The following ARID5B variants were observed in gnomAD, a reference collection of about 807,000 sequenced individuals.
The protein encoded by ARID5B is AT-rich interactive domain-containing protein 5B.
In ARID5B, 13 loss-of-function variants were observed where a neutral mutation model predicts 97.2. The ratio of observed to expected loss-of-function variants is 0.13; its 90% CI spans 0.09 to 0.21. The LOEUF (loss-of-function observed/expected upper bound fraction) is 0.21. Among genes scored for constraint, ARID5B ranks in the 10% least tolerant of loss-of-function variants. The pLI is 1.00. For synonymous variants in ARID5B, 556 were observed against 570.3 expected, an observed-to-expected ratio of 0.97 and a Z score of 0.36; for missense variants, 1,210 against 1,465.3, an observed-to-expected ratio of 0.83 and a Z score of 2.84.
At chr10:62,012,033 TTA>T (rs1030287462) in intron 4 of ARID5B, among the ~76,000 whole-genome samples, 2 of 152,308 alleles carry the variant, frequency 1.3e-5, no homozygotes, top group African/African-American at 4.8e-5. Context: ...TAAAAACAGC[TTA>T]TATGTTTTTC....
At chr10:61,998,942 A>G (rs1202288740) in intron 3 of ARID5B, among the ~76,000 whole-genome samples, 2 of 152,196 alleles carry the variant, frequency 1.3e-5, no homozygotes, top group Non-Finnish European at 2.9e-5. Context: ...GTTCTGCTTC[A>G]TGTTAATTTT....
At chr10:62,058,460 A>G (rs1333403755) in intron 6 of ARID5B, among the ~76,000 whole-genome samples, 1 of 152,234 alleles carries the variant, frequency 6.6e-6, no homozygotes, top group Non-Finnish European at 1.5e-5. Flanking sequence ...AATCAAATCC[A>G]TAGCAGTCCC....
intron 2 of ARID5B, among the ~76,000 whole-genome samples, chr10:61,937,160 T>A (rs773874769): frequency 2.0e-5 from 3 of 152,252 alleles, no homozygotes; most frequent in Non-Finnish European, 4.4e-5. Context: ...AAAACTGGAC[T>A]GAATACAATG....
chr10:61,994,186 G>A (rs1838965762), intron 3 of ARID5B, among the ~76,000 whole-genome samples: 2 of 152,144 alleles, frequency 1.3e-5, no homozygotes, highest in South Asian at 4.1e-4. Flanking sequence ...GTAATTAGGT[G>A]CAGGAAGGAA....
intron 2 of ARID5B, among the ~76,000 whole-genome samples, chr10:61,927,884 C>G (rs533903774): frequency 2.0e-5 from 3 of 152,286 alleles, no homozygotes; most frequent in Admixed American, 1.3e-4. Context: ...TGGAGTCCCT[C>G]CATATCAGGG....
chr10:62,030,685 A>G (rs1461895003), intron 4 of ARID5B, among the ~76,000 whole-genome samples: 1 of 152,188 alleles, frequency 6.6e-6, no homozygotes, highest in East Asian at 1.9e-4. Context: ...GGAGGGAAAT[A>G]TTTTAAGTGT....
chr10:61,919,784 G>A (rs1469222114), intron 2 of ARID5B, among the ~76,000 whole-genome samples: 5 of 152,142 alleles, frequency 3.3e-5, no homozygotes, highest in African/African-American at 1.2e-4. Flanking sequence ...TGCATTGGTT[G>A]TAAAATATGC....
chr10:61,981,377 G>A (rs1838774872), intron 3 of ARID5B, among the ~76,000 whole-genome samples: 1 of 152,120 alleles, frequency 6.6e-6, no homozygotes, highest in Non-Finnish European at 1.5e-5. Context: ...TGCCTCCCGG[G>A]TTCAAGCGAT....
At position 62,000,463 on chromosome 10, in the gene ARID5B, T is replaced by C; in HGVS notation, c.733+142T>C. ...GCCCCACCCCTCCCATCCCCCAAAT[T>C]ATTGCGGCATAAGGCGTCATTGCCT... On this transcript the variant is annotated intron_variant, in intron 4 of 9. Transcript: ENST00000279873. This position sits in a 1 kb window ranked among gnomAD's most constrained non-coding sequence, Gnocchi z 4.4. 1.4e-6 allele frequency: 1 copy of C among 707,430 alleles called. No individual in the cohort carries two copies. Among genetic ancestry groups the C allele is most frequent in the South Asian group, 1.9e-5 (1 of 51,646 alleles). 43.8% of individuals were successfully genotyped at this position (707,430 alleles called of 1,614,324 possible).
intron 7 of ARID5B, among the ~76,000 whole-genome samples, chr10:62,068,658 G>A (rs186599108): frequency 4.0e-5 from 6 of 151,708 alleles, no homozygotes; most frequent in Non-Finnish European, 5.9e-5. Flanking sequence ...CCTTTGCCAC[G>A]CCCTGTCCCC....
At chr10:61,958,312 C>T (rs1323968193) in intron 3 of ARID5B, among the ~76,000 whole-genome samples, 2 of 152,040 alleles carry the variant, frequency 1.3e-5, no homozygotes, top group Non-Finnish European at 2.9e-5. Flanking sequence ...CCACTGCAAC[C>T]TCCGCCTCCC....
chr10:61,939,616 T>TA (rs1844363665), intron 2 of ARID5B, among the ~76,000 whole-genome samples: 1 of 152,220 alleles, frequency 6.6e-6, no homozygotes, highest in South Asian at 2.1e-4. Context: ...GGGAAGCACA[T>TA]AACATTTATG....
rs1166776027 is a variant in ARID5B at position 62,051,013 on chromosome 10, A to G, written c.846+13A>G. 6.3e-7 allele frequency: 1 copy of G among 1,593,812 alleles called. No individual in the cohort carries two copies. Among genetic ancestry groups the G allele is most frequent in the Admixed American group, 1.7e-5 (1 of 59,976 alleles). On this transcript the variant is annotated intron_variant, in intron 5 of 9. Coordinates refer to ENST00000279873, the MANE Select transcript of ARID5B (RefSeq NM_032199.3). ...AGCCGTTGCCAAGGTACGGTCATTC[A>G]CTCCACGGTATTCATTTCGTTGCAT...
intron 2 of ARID5B, among the ~76,000 whole-genome samples, chr10:61,903,807 C>T (rs1843661288): frequency 6.6e-6 from 1 of 151,784 alleles, no homozygotes; most frequent in African/African-American, 2.4e-5. Flanking sequence ...TGGTCTATGC[C>T]GGTTAATTAC....
intron 8 of ARID5B, among the ~76,000 whole-genome samples, chr10:62,076,691 G>A (rs1251702794): frequency 6.6e-6 from 1 of 152,112 alleles, no homozygotes; most frequent in Non-Finnish European, 1.5e-5. Context: ...TGGAAAATGT[G>A]TATAAAAAGG....
chr10:61,991,467 TTTATATATA>T lies in ARID5B; in HGVS notation c.503-8621_503-8613del, dbSNP rs1288637074. Among the ~76,000 whole-genome samples, 153 of 152,322 alleles carry T rather than the reference TTTATATATA, an allele frequency of 1.0e-3. 1 individual carries two copies. Among genetic ancestry groups the T allele is most frequent in the African/African-American group, 3.5e-3 (145 of 41,562 alleles). ...ATGAAGAGCATTTTTTAAGATGCCA[TTTATATATA>T]TTCTTTGGAGAATCATCAAAGTCCT... On this transcript the variant is annotated intron_variant, in intron 3 of 9. Coordinates refer to ENST00000279873, the MANE Select transcript of ARID5B (RefSeq NM_032199.3).
At chr10:62,031,028 G>A (rs1839490818) in intron 4 of ARID5B, among the ~76,000 whole-genome samples, 1 of 152,156 alleles carries the variant, frequency 6.6e-6, no homozygotes, top group African/African-American at 2.4e-5. Context: ...GAGGTCAGGA[G>A]ATCGAGACCA....
At chr10:61,967,669 C>T (rs1390072845) in intron 3 of ARID5B, among the ~76,000 whole-genome samples, 2 of 152,222 alleles carry the variant, frequency 1.3e-5, no homozygotes, top group Non-Finnish European at 2.9e-5. Flanking sequence ...ACTGCCCAAA[C>T]ATTCAATTTT....
intron 8 of ARID5B, among the ~76,000 whole-genome samples, chr10:62,082,449 G>A (rs1327178145): frequency 2.0e-5 from 3 of 152,132 alleles, no homozygotes; most frequent in African/African-American, 4.8e-5. Flanking sequence ...GCAGTCCATT[G>A]AAAATATTTC....
Sources: gnomAD v4.1 joint callset for allele counts (sites outside exome capture counted in the v4.1 genomes callset) on GRCh38, gnomAD v4.1.1 for gene constraint, Gnocchi (gnomAD v3.1) non-coding constraint, MANE v1.5 for transcripts, NCBI Gene and HGNC (gene_info 2026-07-23, HGNC 2026-07-21) for gene names.